ACSM4: variants seen among roughly 807,000 people sequenced by gnomAD.
The protein encoded by ACSM4 is acyl-coenzyme A synthetase ACSM4, mitochondrial.
ACSM4 carries 66 observed loss-of-function variants against 73.0 expected under a neutral mutation model. The observed-to-expected ratio is 0.90, with a 90% confidence interval of 0.74 to 1.11. The LOEUF (loss-of-function observed/expected upper bound fraction) is 1.11, where lower values mean the gene tolerates loss of function less well. ACSM4 is among the 50% of genes least tolerant of loss of function. The pLI is 0.00. For missense variants in ACSM4, 645 were observed against 714.4 expected, an observed-to-expected ratio of 0.90 and a Z score of 1.11; for synonymous variants, 222 against 254.0, an observed-to-expected ratio of 0.87 and a Z score of 1.20.
chr12:7,311,295 A>G (rs1946388963), intron 3 of ACSM4, among the ~76,000 whole-genome samples: 1 of 152,256 alleles, frequency 6.6e-6, no homozygotes, highest in Non-Finnish European at 1.5e-5. Flanking sequence ...ACTGTGGCCT[A>G]TGATGAGTAT....
chr12:7,320,509 G>A lies in ACSM4; in HGVS notation c.922-216G>A, dbSNP rs138103601. On this transcript the variant is annotated intron_variant, in intron 5 of 12. Coordinates refer to ENST00000399422, the MANE Select transcript of ACSM4 (RefSeq NM_001080454.2). Reference sequence around the variant, plus strand: ...AATTAGATTGTGTATGTCTGTTACTGTAATATTAATATATATACATTCTTT... The same window carrying A: ...AATTAGATTGTGTATGTCTGTTACTATAATATTAATATATATACATTCTTT... Among the ~76,000 whole-genome samples the A allele has an allele frequency of 3.9e-3, 595 of 152,314 alleles. 7 individuals are homozygous for A. The highest frequency in any genetic ancestry group is 0.014 in the African/African-American group (571 of 41,568).
At position 7,304,299 on chromosome 12, in the gene ACSM4, G is replaced by C. The variant is rs1222219188; in HGVS notation, c.-33G>C. 1 of 1,599,064 alleles carries C rather than the reference G, an allele frequency of 6.3e-7. No homozygotes were observed. The highest frequency in any genetic ancestry group is 8.6e-7 in the Non-Finnish European group (1 of 1,166,672). On this transcript the variant is annotated 5_prime_UTR_variant, in exon 1 of 13. Coordinates refer to ENST00000399422, the MANE Select transcript of ACSM4 (RefSeq NM_001080454.2). ...TCCCTACAGGCTGTAGTACTTCTGT[G>C]TCCATAGCAGTAGACAAAGTCCTTT...
At chr12:7,325,372 C>T (rs1392752309) in intron 11 of ACSM4, among the ~76,000 whole-genome samples, 2 of 152,184 alleles carry the variant, frequency 1.3e-5, no homozygotes, top group Non-Finnish European at 2.9e-5. Context: ...GTGGGCTGGG[C>T]ACGGTGGCTC....
intron 3 of ACSM4, among the ~76,000 whole-genome samples, chr12:7,314,602 T>C (rs11611158): frequency 0.018 from 2,666 of 151,680 alleles, 42 homozygotes; most frequent in Middle Eastern, 0.034. Context: ...GGTAGGTAGA[T>C]AGATGATAGA....
intron 11 of ACSM4, among the ~76,000 whole-genome samples, chr12:7,325,170 C>T (rs753488955): frequency 1.3e-4 from 20 of 152,306 alleles, no homozygotes; most frequent in African/African-American, 3.8e-4. Flanking sequence ...TTGGATCATA[C>T]GTCTATCCTT....
rs376049844 is a variant in ACSM4, at chr12:7,328,319, C to T, written c.1689C>T (p.Ile563=). ...TTGTTCAAGAACTCCCAAAGACAAT[C>T]ACTGGGAAAATCAAACGCAACGTTT... The part of the protein sequence containing the change: ...VEFVQELPKT[I]TGKIKRNVLR... Residue 563 remains isoleucine, a synonymous_variant, in exon 13 of 13, where the codon ATC becomes ATT. Transcript: ENST00000399422. 167 of 1,594,006 alleles carry T rather than the reference C, an allele frequency of 1.0e-4. No individual in the cohort carries two copies. The highest frequency in any genetic ancestry group is 1.4e-4 in the Non-Finnish European group (160 of 1,169,690).
At position 7,323,296 on chromosome 12, in the gene ACSM4, G is replaced by C; in HGVS notation, c.1188G>C (p.Met396Ile). 1 of 1,611,014 alleles carries C rather than the reference G, an allele frequency of 6.2e-7. No homozygotes were observed. The highest frequency in any genetic ancestry group is 1.1e-5 in the South Asian group (1 of 90,062). The change falls in exon 8 of 13, where the codon ATG becomes ATC. Residue 396 changes from methionine (M) to isoleucine (I), a missense_variant. By Grantham distance (10) the Met-to-Ile change is conservative. Coordinates refer to ENST00000399422, the MANE Select transcript of ACSM4 (RefSeq NM_001080454.2). ...EIKPGSMGKG[M>I]LPYDVQIIDE... ...AACCAGGTTCAATGGGGAAAGGAAT[G>C]CTGCCCTATGATGTCCAGGTAGGTT...
intron 1 of ACSM4, 91 bp from the exon 2 acceptor site, chr12:7,306,442 C>T: frequency 8.0e-7 from 1 of 1,252,024 alleles, no homozygotes; most frequent in Non-Finnish European, 1.1e-6. Context: ...GCACCAGAAC[C>T]AGTGCCAAAG....
At position 7,317,193 on chromosome 12, in the gene ACSM4, T is replaced by C. The variant is rs1946427052; in HGVS notation, c.677T>C (p.Ile226Thr). Reference protein sequence around the residue: ...VETGSQEPMTIYFTSGTTGFP... With the variant: ...VETGSQEPMTTYFTSGTTGFP... Reference sequence around the variant, plus strand: ...ACAGGAAGTCAAGAACCAATGACCATTTATTTCACCAGTGGGACCACAGGC... The same window carrying C: ...ACAGGAAGTCAAGAACCAATGACCACTTATTTCACCAGTGGGACCACAGGC... The change falls in exon 4 of 13, where the codon ATT becomes ACT. Residue 226 changes from isoleucine (I) to threonine (T), a missense_variant. Transcript: ENST00000399422. 6.2e-7 allele frequency: 1 copy of C among 1,612,750 alleles called. No homozygotes were observed. The highest frequency in any genetic ancestry group is 8.5e-7 in the Non-Finnish European group (1 of 1,179,486).
rs1373841199 is a variant in ACSM4, at chr12:7,323,232, A to T, written c.1126-2A>T. On this transcript the variant is annotated splice_acceptor_variant, in intron 7 of 12. Transcript: ENST00000399422. LOFTEE classifies it high-confidence loss of function. Reference sequence around the variant, plus strand: ...CTTATACAAAGCTTGTCCTCTCAATAGGGAATGATTTGTGCCAATCAGAAA... The same window carrying T: ...CTTATACAAAGCTTGTCCTCTCAATTGGGAATGATTTGTGCCAATCAGAAA... 6.2e-7 allele frequency: 1 copy of T among 1,605,718 alleles called. No homozygotes were observed. Among genetic ancestry groups the T allele is most frequent in the Admixed American group, 1.7e-5 (1 of 59,010 alleles).
At chr12:7,327,143 T>C (rs1591848295) in intron 12 of ACSM4, 48 bp downstream of exon 12, 11 of 1,526,656 alleles carry the variant, frequency 7.2e-6, no homozygotes, top group Non-Finnish European at 9.7e-6. Context: ...CAAACTAGGG[T>C]CTAAGCTAGA....
At chr12:7,306,105 C>T (rs1002006104) in intron 1 of ACSM4, among the ~76,000 whole-genome samples, 38 of 152,168 alleles carry the variant, frequency 2.5e-4, no homozygotes. Flanking sequence ...GAAATTTATT[C>T]AAGGAATATG....
chr12:7,310,084 G>T (rs1946381722), intron 2 of ACSM4, among the ~76,000 whole-genome samples: 1 of 152,220 alleles, frequency 6.6e-6, no homozygotes, highest in Non-Finnish European at 1.5e-5. Context: ...ACCGCGCCTG[G>T]CAGGAGACCA....
chr12:7,305,722 T>A (rs778411812), intron 1 of ACSM4, among the ~76,000 whole-genome samples: 1 of 151,976 alleles, frequency 6.6e-6, no homozygotes, highest in African/African-American at 2.4e-5. Context: ...CACAGAGAAG[T>A]TAGTGGAGAA....
intron 11 of ACSM4, among the ~76,000 whole-genome samples, chr12:7,325,961 C>A (rs1277195135): frequency 6.6e-6 from 1 of 152,168 alleles, no homozygotes; most frequent in Non-Finnish European, 1.5e-5. Context: ...CTATTCCATT[C>A]TCAAAAATAG....
In ACSM4 at chr12:7,326,973, C is replaced by T. The variant is rs1192569955; in HGVS notation, c.1537-3C>T. 1.3e-6 allele frequency: 2 copies of T among 1,594,048 alleles called. No individual in the cohort carries two copies. The highest frequency in any genetic ancestry group is 1.7e-6 in the Non-Finnish European group (2 of 1,173,244). On this transcript the variant is annotated splice_region_variant and splice_polypyrimidine_tract_variant and intron_variant, in intron 11 of 12. Transcript: ENST00000399422. ...GCAAGATAAATTAACTTTTCTGTTG[C>T]AGGTGGTGAAAGCTTTTGTTGTCTT...
At chr12:7,311,790 A>T (rs1407747848) in intron 3 of ACSM4, among the ~76,000 whole-genome samples, 1 of 152,112 alleles carries the variant, frequency 6.6e-6, no homozygotes, top group Non-Finnish European at 1.5e-5. Context: ...TCCGGGTTAA[A>T]GTGATCCTCC....
At chr12:7,306,847 C>A (rs878902605) in intron 2 of ACSM4, 104 bp downstream of exon 2, 15,464 of 486,214 alleles carry the variant, frequency 0.032, 172 homozygotes, top group South Asian at 0.14. Flanking sequence ...ATACAGAAGA[C>A]AAAAAAAAAA....
Position 7,304,222 on chromosome 12 carries a change from C to A in ACSM4, c.-110C>A. The A allele has an allele frequency of 8.6e-7, 1 of 1,168,724 alleles. No homozygotes were observed. The highest frequency in any genetic ancestry group is 1.2e-6 in the Non-Finnish European group (1 of 809,918). The allele number at this position is 1,168,724 out of a possible 1,614,324, so 72.4% of individuals were successfully genotyped here. A position where few individuals can be genotyped will look rare whatever the true frequency, so the allele number is the denominator to read the frequency against. On this transcript the variant is annotated 5_prime_UTR_variant, in exon 1 of 13. Transcript: ENST00000399422. Reference sequence around the variant, plus strand: ...CCAGGGACACACAGCCACAAATCCACCTCCCAGTCTCACCACAGAGCATCA... The same window carrying A: ...CCAGGGACACACAGCCACAAATCCAACTCCCAGTCTCACCACAGAGCATCA...
Sources: gnomAD v4.1 joint callset for allele counts (sites outside exome capture counted in the v4.1 genomes callset) on GRCh38, gnomAD v4.1.1 for gene constraint, MANE v1.5 for transcripts, NCBI Gene and HGNC (gene_info 2026-07-23, HGNC 2026-07-21) for gene names.